The following PLPP4 variants were observed in gnomAD, a reference collection of about 807,000 sequenced individuals.
PLPP4 encodes diacylglycerol pyrophosphate like 2.
In PLPP4, 20 loss-of-function variants were observed where a neutral mutation model predicts 32.2. The observed-to-expected ratio is 0.62, with a 90% CI of 0.44 to 0.90. PLPP4 has a LOEUF of 0.90. Among genes scored for constraint, PLPP4 ranks in the 40% least tolerant of loss-of-function variants. The probability of loss-of-function intolerance (pLI) is 0.00; values close to 1 mark genes in which losing one functional copy is unlikely to be tolerated. For synonymous variants in PLPP4, 127 were observed against 133.0 expected (o/e 0.95, Z 0.31); for missense variants, 257 against 353.1 (o/e 0.73, Z 2.18).
At chr10:120,478,683 C>A (rs1387756021) in intron 1 of PLPP4, among the ~76,000 whole-genome samples, 2 of 152,192 alleles carry the variant, frequency 1.3e-5, no homozygotes, top group Non-Finnish European at 2.9e-5. Flanking sequence ...ATTTTGTAGC[C>A]TGCCTTTTTC....
chr10:120,545,568 G>T (rs967108080), intron 5 of PLPP4, among the ~76,000 whole-genome samples: 5 of 152,266 alleles, frequency 3.3e-5, no homozygotes, highest in East Asian at 1.9e-4. Context: ...TGCCCTGGAA[G>T]GGAGGCTCAG....
At chr10:120,482,861 G>A (rs1186550954) in intron 1 of PLPP4, among the ~76,000 whole-genome samples, 3 of 152,182 alleles carry the variant, frequency 2.0e-5, no homozygotes, top group Admixed American at 2.0e-4. Context: ...GCTGTGAGCC[G>A]AGATCGCACC....
intron 6 of PLPP4, among the ~76,000 whole-genome samples, chr10:120,583,257 G>C (rs1849601531): frequency 6.6e-6 from 1 of 151,702 alleles, no homozygotes; most frequent in Non-Finnish European, 1.5e-5. Context: ...GGGCAGCCTG[G>C]CACCTCAGTA....
At chr10:120,487,385 G>T (rs1162640407) in intron 1 of PLPP4, among the ~76,000 whole-genome samples, 3 of 152,202 alleles carry the variant, frequency 2.0e-5, no homozygotes, top group Non-Finnish European at 4.4e-5. Flanking sequence ...GTATTTTAAA[G>T]CGGGATCGTT....
At chr10:120,476,601 C>T (rs572248592) in intron 1 of PLPP4, among the ~76,000 whole-genome samples, 3 of 152,230 alleles carry the variant, frequency 2.0e-5, no homozygotes, top group South Asian at 2.1e-4. Flanking sequence ...CATACTGGCC[C>T]GCCCACTGCG....
intron 1 of PLPP4, among the ~76,000 whole-genome samples, chr10:120,474,600 A>G (rs1843813193): frequency 6.6e-6 from 1 of 152,202 alleles, no homozygotes; most frequent in Admixed American, 6.5e-5. Context: ...AACATATTAA[A>G]TTAGACTTTT....
chr10:120,552,993 C>T (rs1212649948), intron 5 of PLPP4, among the ~76,000 whole-genome samples: 4 of 152,192 alleles, frequency 2.6e-5, no homozygotes, highest in Non-Finnish European at 5.9e-5. Context: ...GAGTTCTCAA[C>T]ATTCGAGTTA....
chr10:120,487,347 G>C (rs1844506907), intron 1 of PLPP4, among the ~76,000 whole-genome samples: 1 of 152,180 alleles, frequency 6.6e-6, no homozygotes. Flanking sequence ...CCGCTGATGT[G>C]GTGTGTAGTG....
rs190452819 is a variant in PLPP4 at position 120,548,216 on chromosome 10, C to T, written c.446-26915C>T. The stretch of plus-strand genomic sequence containing the variant: ...GTACTCAATAGGTGTTTTTTTGATC[C>T]TCACCCTCCTCCCACCCTTCACCCT... On this transcript the variant is annotated intron_variant, in intron 5 of 6. Transcript: ENST00000398250. Among the ~76,000 whole-genome samples the T allele has an allele frequency of 1.5e-3, 229 of 151,992 alleles. 1 individual carries two copies. The highest frequency in any genetic ancestry group is 5.3e-3 in the African/African-American group (218 of 41,486).
chr10:120,521,292 A>C (rs1282305156), intron 5 of PLPP4, among the ~76,000 whole-genome samples, 197 bp downstream of exon 5: 1 of 152,230 alleles, frequency 6.6e-6, no homozygotes, highest in Non-Finnish European at 1.5e-5. Flanking sequence ...TCTGGAGCTT[A>C]TAAAACATTG....
chr10:120,517,699 T>C (rs4237521), intron 3 of PLPP4, among the ~76,000 whole-genome samples: 132,543 of 152,192 alleles, frequency 0.87, 59,223 homozygotes, highest in Non-Finnish European at 0.96. Context: ...CTCCCATTCT[T>C]TCTGCTTCGG....
intron 1 of PLPP4, among the ~76,000 whole-genome samples, chr10:120,457,705 G>A (rs1363152364): frequency 1.3e-5 from 2 of 152,188 alleles, no homozygotes; most frequent in Non-Finnish European, 2.9e-5. Flanking sequence ...CCCTCGGGAA[G>A]TTTCTCCTTC....
chr10:120,467,056 A>G (rs10886694), intron 1 of PLPP4, among the ~76,000 whole-genome samples: 109,059 of 152,028 alleles, frequency 0.72, 41,339 homozygotes, highest in East Asian at 0.92. Flanking sequence ...AAGAAAAAGA[A>G]ATTGCCAGTA....
chr10:120,579,623 G>A (rs1473581939), intron 6 of PLPP4, among the ~76,000 whole-genome samples: 1 of 152,096 alleles, frequency 6.6e-6, no homozygotes, highest in Non-Finnish European at 1.5e-5. Context: ...ATTCCCTTTG[G>A]AGAAACCCTT....
In PLPP4 at chr10:120,503,936, A is replaced by G. The variant is rs774065043; in HGVS notation, c.165+10A>G. The G allele has an allele frequency of 7.2e-6, 11 of 1,530,922 alleles. No individual in the cohort carries two copies. The East Asian group carries it at 2.5e-4, about 34-fold the overall frequency. 94.8% of individuals were successfully genotyped at this position (1,530,922 alleles called of 1,614,324 possible). On this transcript the variant is annotated intron_variant, in intron 2 of 6. Transcript: ENST00000398250. ...TACCCGCCTCATGTTTGTAAGTACC[A>G]TGATTTCATTCCTTATTTGACTGCT...
chr10:120,457,883 C>G (rs1023024761), intron 1 of PLPP4, among the ~76,000 whole-genome samples: 2 of 152,206 alleles, frequency 1.3e-5, no homozygotes, highest in Admixed American at 6.5e-5. Flanking sequence ...TACTGAGAAA[C>G]TGTTGCTGTG....
chr10:120,585,272 C>T (rs543891672), intron 6 of PLPP4, among the ~76,000 whole-genome samples: 1 of 152,308 alleles, frequency 6.6e-6, no homozygotes, highest in South Asian at 2.1e-4. Context: ...CATTTAATCA[C>T]GTTAATTACA....
rs1847845303 is a variant in PLPP4, at chr10:120,550,555, C to G, written c.446-24576C>G. Among the ~76,000 whole-genome samples the G allele has an allele frequency of 2.0e-5, 3 of 151,562 alleles. No individual in the cohort carries two copies. The South Asian group carries it at 6.2e-4, about 31-fold the overall frequency. ...TTCTTATAAAGTTATAGTGATCAAG[C>G]CAATGTGGTTAAGGACAGATAAATA... On this transcript the variant is annotated intron_variant, in intron 5 of 6. Coordinates refer to ENST00000398250, the MANE Select transcript of PLPP4 (RefSeq NM_001030059.3).
At chr10:120,532,619 C>G (rs1846794547) in intron 5 of PLPP4, among the ~76,000 whole-genome samples, 1 of 152,268 alleles carries the variant, frequency 6.6e-6, no homozygotes, top group East Asian at 1.9e-4. Flanking sequence ...AGCTCTCTCC[C>G]TCCACCTCTC....
Sources: allele counts gnomAD v4.1 joint callset (sites outside exome capture counted in the v4.1 genomes callset), GRCh38; gene constraint gnomAD v4.1.1; transcripts MANE v1.5; gene names NCBI Gene and HGNC (gene_info 2026-07-23, HGNC 2026-07-21).